WDR47: variants seen among roughly 807,000 people sequenced by gnomAD.
The protein encoded by WDR47 is WD repeat-containing protein 47.
WDR47 carries 32 observed loss-of-function variants against 97.2 expected under a neutral mutation model. The ratio of observed to expected loss-of-function variants is 0.33; its 90% CI spans 0.25 to 0.44. WDR47 has a LOEUF of 0.44. Ranked by LOEUF, WDR47 falls within the 20% of genes least tolerant of loss-of-function variation. The pLI, the probability that WDR47 is intolerant of heterozygous loss-of-function variation, is 1.00. For missense variants in WDR47, 782 were observed against 1,102.3 expected (o/e 0.71, Z 4.11); for synonymous variants, 375 against 373.5 (o/e 1.00, Z -0.05).
chr1:108,986,739 C>T, intron 9 of WDR47, 59 bp from the exon 10 acceptor site: 1 of 1,351,986 alleles, frequency 7.4e-7, no homozygotes, highest in South Asian at 1.4e-5. Flanking sequence ...AAGAATTCAT[C>T]TTTCTCCCAT....
chr1:108,982,902 AT>A, intron 11 of WDR47, 123 bp from the exon 12 acceptor site: 1 of 1,115,696 alleles, frequency 9.0e-7, no homozygotes, highest in Non-Finnish European at 1.2e-6. Flanking sequence ...TTGTATTTTC[AT>A]TTAGGGATTG....
chr1:108,987,014 AC>A, intron 9 of WDR47: 1 of 209,770 alleles, frequency 4.8e-6, no homozygotes, highest in Admixed American at 5.3e-5. Context: ...CCCTACAGCT[AC>A]CACAAATGCA....
rs1311574007 is a variant in WDR47 at position 108,970,759 on chromosome 1, C to A, written c.*671G>T. On this transcript the variant is annotated 3_prime_UTR_variant, in exon 15 of 15. Coordinates refer to ENST00000369962, the MANE Select transcript of WDR47 (RefSeq NM_001142551.2). ...AAGTTTCTGAAGCAAACACATTTACCTTTTAGCCTGAAACAAAATTATATG... is the reference window on the plus strand; with the variant it reads ...AAGTTTCTGAAGCAAACACATTTACATTTTAGCCTGAAACAAAATTATATG... 6.6e-6 allele frequency: 1 copy of A among 152,594 alleles called. No homozygotes were observed. The highest frequency in any genetic ancestry group is 2.4e-5 in the African/African-American group (1 of 41,460). The allele number at this position is 152,594 out of a possible 1,614,324, so 9.5% of individuals were successfully genotyped here.
chr1:108,991,916 A>G (rs1002422791), intron 8 of WDR47, among the ~76,000 whole-genome samples: 1 of 151,628 alleles, frequency 6.6e-6, no homozygotes, highest in Non-Finnish European at 1.5e-5. Context: ...TCCCACCTCA[A>G]CCTCCCAGAT....
intron 8 of WDR47, among the ~76,000 whole-genome samples, chr1:108,993,386 A>C (rs1659514986): frequency 6.6e-6 from 1 of 152,164 alleles, no homozygotes. Flanking sequence ...CAGAACACTA[A>C]AACTGGAAGA....
At chr1:109,008,108 A>C (rs981228948) in intron 5 of WDR47, among the ~76,000 whole-genome samples, 4 of 148,324 alleles carry the variant, frequency 2.7e-5, no homozygotes, top group Non-Finnish European at 6.0e-5. Context: ...TCTCAAAAAA[A>C]AGAAAAAAAA....
chr1:109,010,039 A>G (rs985225136), intron 5 of WDR47, among the ~76,000 whole-genome samples: 14 of 152,060 alleles, frequency 9.2e-5, no homozygotes, highest in African/African-American at 3.4e-4. Flanking sequence ...TCATAGAAAA[A>G]AAGACTGGTC....
At chr1:108,997,044 A>C (rs1659800795) in intron 7 of WDR47, among the ~76,000 whole-genome samples, 1 of 151,988 alleles carries the variant, frequency 6.6e-6, no homozygotes, top group Non-Finnish European at 1.5e-5. Context: ...TGAACCTGGG[A>C]AGCGGAGGCT....
intron 2 of WDR47, 84 bp from the exon 3 acceptor site, chr1:109,017,685 T>G (rs1377955573): frequency 1.0e-6 from 1 of 974,644 alleles, no homozygotes; most frequent in African/African-American, 1.6e-5. Context: ...AAAACAGCAT[T>G]CAAACTTCAT....
intron 1 of WDR47, among the ~76,000 whole-genome samples, chr1:109,027,561 TCAC>T (rs1662296636): frequency 6.6e-6 from 1 of 152,078 alleles, no homozygotes; most frequent in Admixed American, 6.6e-5. Flanking sequence ...TCTTGCTCTG[TCAC>T]CCAGGCAAGA....
chr1:109,030,827 T>C (rs28444544), intron 1 of WDR47, among the ~76,000 whole-genome samples: 131,513 of 134,176 alleles, frequency 0.98, 64,850 homozygotes, highest in Middle Eastern at 1. Context: ...AAAAACTTTA[T>C]GTTGCTGCCA....
At chr1:109,035,833 GAGA>G (rs910459170) in intron 1 of WDR47, among the ~76,000 whole-genome samples, 14 of 149,344 alleles carry the variant, frequency 9.4e-5, no homozygotes, top group African/African-American at 3.0e-4. Flanking sequence ...TTTTTTTTAA[GAGA>G]AGGAGTCTTA....
intron 11 of WDR47, 65 bp from the exon 12 acceptor site, chr1:108,982,844 G>C: frequency 6.7e-7 from 1 of 1,498,088 alleles, no homozygotes; most frequent in Non-Finnish European, 9.0e-7. Context: ...ACTTGAGATT[G>C]CTAAACTACC....
At chr1:108,988,537 C>T (rs537679184) in intron 9 of WDR47, among the ~76,000 whole-genome samples, 13 of 151,636 alleles carry the variant, frequency 8.6e-5, no homozygotes, top group Non-Finnish European at 1.5e-4. Context: ...CAAAAATTAG[C>T]CGGGTGTGGT....
chr1:109,039,147 A>G (rs1206122968), intron 1 of WDR47, among the ~76,000 whole-genome samples: 1 of 152,196 alleles, frequency 6.6e-6, no homozygotes, highest in Non-Finnish European at 1.5e-5. Flanking sequence ...AGCATTTACT[A>G]TGTATTAACA....
rs754078239 is a variant in WDR47 at position 108,983,476 on chromosome 1, T to C, written c.1926-25A>G. ...ACTGAAAAGAAAAATTACAGAAATA[T>C]ATTTCAATTTCTTGCTTGCTACAAT... On this transcript the variant is annotated intron_variant, in intron 10 of 14. Transcript: ENST00000369962. The C allele has an allele frequency of 7.3e-6, 11 of 1,516,626 alleles. No homozygotes were observed. The African/African-American group carries it at 1.5e-4, about 21-fold the overall frequency. The allele number at this position is 1,516,626 out of a possible 1,614,324, so 93.9% of individuals were successfully genotyped here.
At chr1:108,995,921 TA>T in intron 7 of WDR47, 84 bp from the exon 8 acceptor site, 1 of 1,343,118 alleles carries the variant, frequency 7.4e-7, no homozygotes, top group Non-Finnish European at 1.0e-6. Flanking sequence ...TGTGAAAAGG[TA>T]AAAATATGCA....
chr1:108,977,558 A>T (rs1246723400), intron 13 of WDR47, among the ~76,000 whole-genome samples: 1 of 152,152 alleles, frequency 6.6e-6, no homozygotes, highest in African/African-American at 2.4e-5. Context: ...CTCTACTAAG[A>T]ACTCTTTTTA....
chr1:109,001,115 C>T (rs1473911767), intron 7 of WDR47, among the ~76,000 whole-genome samples: 1 of 151,866 alleles, frequency 6.6e-6, no homozygotes, highest in Non-Finnish European at 1.5e-5. Flanking sequence ...CAATGAAACC[C>T]CATCTCTACT....
Sources: gnomAD v4.1 joint callset for allele counts (sites outside exome capture counted in the v4.1 genomes callset) on GRCh38, gnomAD v4.1.1 for gene constraint, MANE v1.5 for transcripts, NCBI Gene and HGNC (gene_info 2026-07-23, HGNC 2026-07-21) for gene names.